The following PPP6R3 variants were observed in gnomAD, a reference collection of about 807,000 sequenced individuals.
PPP6R3 encodes the protein serine/threonine-protein phosphatase 6 regulatory subunit 3.
In PPP6R3, 38 loss-of-function variants were observed where a neutral mutation model predicts 110.7. That is an observed-to-expected ratio of 0.34 (90% CI 0.26 to 0.45). The LOEUF (loss-of-function observed/expected upper bound fraction) is 0.45, where lower values mean the gene tolerates loss of function less well. PPP6R3 is among the 20% of genes least tolerant of loss of function. The pLI, the probability that PPP6R3 is intolerant of heterozygous loss-of-function variation, is 1.00. For synonymous variants in PPP6R3, 369 were observed against 373.5 expected, an observed-to-expected ratio of 0.99 and a Z score of 0.14; for missense variants, 870 against 1,062.4, an observed-to-expected ratio of 0.82 and a Z score of 2.52.
intron 1 of PPP6R3, among the ~76,000 whole-genome samples, chr11:68,510,340 C>T (rs2099102575): frequency 1.3e-5 from 2 of 152,074 alleles, no homozygotes; most frequent in African/African-American, 4.8e-5. Context: ...GTCCAACATT[C>T]TTCTTTGTTT....
chr11:68,576,425 A>T (rs1345907035), intron 14 of PPP6R3, among the ~76,000 whole-genome samples: 1 of 152,176 alleles, frequency 6.6e-6, no homozygotes, highest in Non-Finnish European at 1.5e-5. Context: ...ATTCAGTTGG[A>T]TATTTTTCTG....
rs34322224 is a variant in PPP6R3, at chr11:68,474,043, C to CTT, written c.-158+13232_-158+13233dup. Reference sequence around the variant, plus strand: ...TATTTGCATGTTAAAAAGCAATTACCTTTTTTTTTTTTTTTTTGAGACAAG... The same window carrying CTT: ...TATTTGCATGTTAAAAAGCAATTACCTTTTTTTTTTTTTTTTTTTGAGACAAG... On this transcript the variant is annotated intron_variant, in intron 1 of 23. Transcript: ENST00000393800. Among the ~76,000 whole-genome samples the CTT allele has an allele frequency of 8.1e-5, 11 of 136,360 alleles. No individual in the cohort carries two copies. In the East Asian group the frequency reaches 1.1e-3, roughly 13 times the overall value. The allele number at this position is 136,360 out of a possible 152,430, so 89.5% of individuals were successfully genotyped here. A position where few individuals can be genotyped will look rare whatever the true frequency, so the allele number is the denominator to read the frequency against.
chr11:68,542,395 T>TG (rs2099323100), intron 3 of PPP6R3, among the ~76,000 whole-genome samples: 1 of 108,970 alleles, frequency 9.2e-6, no homozygotes, highest in African/African-American at 3.7e-5. Context: ...TGCTGTTTTT[T>TG]TTTTTTTTTT....
intron 1 of PPP6R3, among the ~76,000 whole-genome samples, chr11:68,481,752 T>C (rs555608185): frequency 6.6e-6 from 1 of 152,370 alleles, no homozygotes; most frequent in African/African-American, 2.4e-5. Flanking sequence ...TTCAGCAGCC[T>C]GCCGTGCTTA....
intron 15 of PPP6R3, among the ~76,000 whole-genome samples, chr11:68,585,259 C>T (rs1435337813): frequency 6.6e-6 from 1 of 152,178 alleles, no homozygotes; most frequent in Admixed American, 6.5e-5. Flanking sequence ...CCATGGAGGT[C>T]TGGAGAATTC....
rs1370366311 is a variant in PPP6R3, at chr11:68,469,314, T to C, written c.-158+8487T>C. 5.3e-5 allele frequency among the ~76,000 whole-genome samples: 8 copies of C among 152,324 alleles called. No individual in the cohort carries two copies. In the East Asian group the frequency reaches 1.4e-3, roughly 26 times the overall value. On this transcript the variant is annotated intron_variant, in intron 1 of 23. Transcript: ENST00000393800. ...ATCTGTTTTGTCTTTGTTTATCTTT[T>C]TGAGATAGAGTCCCAGGCTAGAGTG...
At chr11:68,550,587 C>A (rs1018852048) in intron 5 of PPP6R3, among the ~76,000 whole-genome samples, 2 of 152,140 alleles carry the variant, frequency 1.3e-5, no homozygotes, top group Middle Eastern at 3.2e-3. Flanking sequence ...CATGACAGGG[C>A]GGAAAAACTC....
intron 1 of PPP6R3, among the ~76,000 whole-genome samples, chr11:68,496,861 T>TG (rs1408809511): frequency 2.4e-5 from 3 of 127,348 alleles, no homozygotes; most frequent in African/African-American, 9.4e-5. Context: ...GTCTTTTTTT[T>TG]TTTTTTTTTT....
intron 1 of PPP6R3, among the ~76,000 whole-genome samples, chr11:68,496,618 G>A (rs964554654): frequency 1.3e-5 from 2 of 151,956 alleles, no homozygotes; most frequent in African/African-American, 4.8e-5. Flanking sequence ...GATTACAGGT[G>A]TGTGCCACCG....
intron 2 of PPP6R3, among the ~76,000 whole-genome samples, chr11:68,537,454 T>A: frequency 6.6e-6 from 1 of 152,210 alleles, no homozygotes; most frequent in East Asian, 1.9e-4. Flanking sequence ...AAATTTTTTA[T>A]CTATTAAAAT....
intron 22 of PPP6R3, among the ~76,000 whole-genome samples, chr11:68,605,659 A>G (rs1939262498): frequency 6.6e-6 from 1 of 152,246 alleles, no homozygotes; most frequent in South Asian, 2.1e-4. Flanking sequence ...CTAATATCCC[A>G]GAAGACATAA....
intron 1 of PPP6R3, among the ~76,000 whole-genome samples, chr11:68,516,358 C>T (rs1467864008): frequency 6.6e-6 from 1 of 152,110 alleles, no homozygotes; most frequent in South Asian, 2.1e-4. Flanking sequence ...TATGGACACA[C>T]AATACACAGT....
intron 1 of PPP6R3, among the ~76,000 whole-genome samples, chr11:68,476,333 C>G (rs1052712546): frequency 6.6e-6 from 1 of 152,130 alleles, no homozygotes; most frequent in Non-Finnish European, 1.5e-5. Flanking sequence ...CGTGGCGGCG[C>G]ACGCCTGCAA....
intron 1 of PPP6R3, among the ~76,000 whole-genome samples, chr11:68,517,799 A>G (rs1311748656): frequency 6.6e-6 from 1 of 152,086 alleles, no homozygotes. Flanking sequence ...TTAAGCAGGC[A>G]TGTTGGCGGT....
At chr11:68,541,213 C>T (rs188395011) in intron 3 of PPP6R3, among the ~76,000 whole-genome samples, 2 of 152,316 alleles carry the variant, frequency 1.3e-5, no homozygotes, top group African/African-American at 4.8e-5. Flanking sequence ...TTCAGCTGGT[C>T]CCTCTGTTTG....
intron 2 of PPP6R3, among the ~76,000 whole-genome samples, chr11:68,537,286 C>T (rs188702564): frequency 1.1e-3 from 162 of 152,226 alleles, no homozygotes; most frequent in African/African-American, 3.8e-3. Context: ...ATATTTAGGC[C>T]TCACTGCTTA....
At chr11:68,500,271 C>A (rs1260452289) in intron 1 of PPP6R3, among the ~76,000 whole-genome samples, 1 of 151,926 alleles carries the variant, frequency 6.6e-6, no homozygotes, top group East Asian at 1.9e-4. Flanking sequence ...AAATCAGGAT[C>A]CAAATAAGAC....
intron 19 of PPP6R3, among the ~76,000 whole-genome samples, chr11:68,597,021 C>A (rs2099615785): frequency 6.6e-6 from 1 of 152,196 alleles, no homozygotes; most frequent in African/African-American, 2.4e-5. Flanking sequence ...TTTCTGCTGC[C>A]TGTTTTCCAG....
intron 1 of PPP6R3, among the ~76,000 whole-genome samples, chr11:68,514,548 C>A (rs879811767): frequency 6.6e-6 from 1 of 151,986 alleles, no homozygotes; most frequent in Non-Finnish European, 1.5e-5. Context: ...TGACCTATGA[C>A]GTATTCTCTC....
Sources: allele counts gnomAD v4.1 joint callset (sites outside exome capture counted in the v4.1 genomes callset), GRCh38; gene constraint gnomAD v4.1.1; transcripts MANE v1.5; gene names NCBI Gene and HGNC (gene_info 2026-07-23, HGNC 2026-07-21).